GRIN3A: variants seen among roughly 807,000 people sequenced by gnomAD.
The protein encoded by GRIN3A is glutamate receptor ionotropic, NMDA 3A.
Under a neutral mutation model 92.4 loss-of-function variants are expected in GRIN3A, and 47 were observed. The observed-to-expected ratio is 0.51, with a 90% confidence interval of 0.40 to 0.65. GRIN3A has a LOEUF of 0.65. Among genes scored for constraint, GRIN3A ranks in the 30% least tolerant of loss-of-function variants. The pLI is 0.00. For synonymous variants in GRIN3A, 527 were observed against 540.6 expected (o/e 0.97, Z 0.35); for missense variants, 1,324 against 1,393.1 (o/e 0.95, Z 0.79).
At chr9:101,628,210 C>T in intron 4 of GRIN3A, 46 bp downstream of exon 4, 4 of 1,602,780 alleles carry the variant, frequency 2.5e-6, no homozygotes, top group Non-Finnish European at 2.6e-6. Context: ...TAAATTACTT[C>T]TCTTCAGTGA....
At chr9:101,595,121 A>G in intron 6 of GRIN3A, 2 of 585,540 alleles carry the variant, frequency 3.4e-6, no homozygotes, top group East Asian at 3.0e-5. Context: ...GAGGGAAAGA[A>G]GGAGGGAAAA....
At chr9:101,694,221 A>C (rs1037890751) in intron 1 of GRIN3A, among the ~76,000 whole-genome samples, 7 of 152,210 alleles carry the variant, frequency 4.6e-5, no homozygotes, top group Admixed American at 3.3e-4. Flanking sequence ...GGCATGCACA[A>C]CACCACTGTC....
chr9:101,727,309 A>G (rs924556772), intron 1 of GRIN3A, among the ~76,000 whole-genome samples: 2 of 152,226 alleles, frequency 1.3e-5, no homozygotes, highest in Admixed American at 1.3e-4. Flanking sequence ...GGATGGCCCC[A>G]ATTTTATAAC....
chr9:101,597,299 T>C (rs1020521047), intron 6 of GRIN3A, among the ~76,000 whole-genome samples: 5 of 151,848 alleles, frequency 3.3e-5, no homozygotes, highest in Non-Finnish European at 7.4e-5. Flanking sequence ...TTGAACCTCA[T>C]GGATGGAGCT....
intron 7 of GRIN3A, among the ~76,000 whole-genome samples, chr9:101,578,556 G>A (rs1827854244): frequency 6.6e-6 from 1 of 152,202 alleles, no homozygotes; most frequent in Non-Finnish European, 1.5e-5. Context: ...CACTCCCTTT[G>A]TTAGAGTTCT....
chr9:101,628,788 A>C (rs1326454408), intron 3 of GRIN3A, among the ~76,000 whole-genome samples: 1 of 152,230 alleles, frequency 6.6e-6, no homozygotes, highest in Non-Finnish European at 1.5e-5. Flanking sequence ...CATAAAGGCC[A>C]AGTTAAAACC....
At chr9:101,702,330 T>C (rs1829766143) in intron 1 of GRIN3A, among the ~76,000 whole-genome samples, 2 of 152,112 alleles carry the variant, frequency 1.3e-5, no homozygotes, top group South Asian at 2.1e-4. Flanking sequence ...ATTTATTCAC[T>C]TTACATTTTC....
intron 1 of GRIN3A, among the ~76,000 whole-genome samples, chr9:101,709,776 A>G (rs1829857044): frequency 6.6e-6 from 1 of 152,230 alleles, no homozygotes; most frequent in South Asian, 2.1e-4. Flanking sequence ...TTATTACACA[A>G]GTACAAAAAT....
intron 1 of GRIN3A, among the ~76,000 whole-genome samples, chr9:101,708,723 C>T (rs188078690): frequency 4.7e-4 from 71 of 152,262 alleles, no homozygotes; most frequent in African/African-American, 1.6e-3. Context: ...TTATGCGTTT[C>T]TATGGCTAGC....
At chr9:101,688,636 G>T (rs1041894481) in intron 1 of GRIN3A, among the ~76,000 whole-genome samples, 3 of 152,022 alleles carry the variant, frequency 2.0e-5, no homozygotes, top group Admixed American at 2.0e-4. Flanking sequence ...AATTAAAAAG[G>T]ATTGGCCAGG....
chr9:101,729,511 G>A (rs183306977), intron 1 of GRIN3A, among the ~76,000 whole-genome samples: 2 of 152,054 alleles, frequency 1.3e-5, no homozygotes, highest in Middle Eastern at 3.4e-3. Context: ...TTGTCACATC[G>A]CCTTGTCCTC....
chr9:101,649,780 GC>G (rs1249415614), intron 3 of GRIN3A, among the ~76,000 whole-genome samples: 1 of 151,948 alleles, frequency 6.6e-6, no homozygotes, highest in African/African-American at 2.4e-5. Context: ...CTGCCGTTTT[GC>G]TGATGTCACT....
In GRIN3A at chr9:101,603,596, C is replaced by A. The variant is rs138519841; in HGVS notation, c.2766+9780G>T. Among the ~76,000 whole-genome samples the A allele has an allele frequency of 9.4e-3, 1,432 of 152,146 alleles. 12 individuals are homozygous for A. Among genetic ancestry groups the A allele is most frequent in the South Asian group, 0.02 (95 of 4,820 alleles). On this transcript the variant is annotated intron_variant, in intron 6 of 8. Coordinates refer to ENST00000361820, the MANE Select transcript of GRIN3A (RefSeq NM_133445.3). ...TATAAGACTAGAAAAGATGTCCCTG[C>A]CTTTGAGGAGGTGGTAGGGAAGCTA...
chr9:101,691,722 G>A (rs538088410), intron 1 of GRIN3A, among the ~76,000 whole-genome samples: 1 of 152,268 alleles, frequency 6.6e-6, no homozygotes, highest in Admixed American at 6.5e-5. Context: ...GTGTCCTTAA[G>A]TTCTAAGTTT....
chr9:101,634,099 C>T (rs1828748460), intron 3 of GRIN3A, among the ~76,000 whole-genome samples: 1 of 151,896 alleles, frequency 6.6e-6, no homozygotes, highest in African/African-American at 2.4e-5. Context: ...TTTGGGAGGC[C>T]GAGGCGGGTG....
At chr9:101,649,300 G>A (rs1247615230) in intron 3 of GRIN3A, among the ~76,000 whole-genome samples, 1 of 151,736 alleles carries the variant, frequency 6.6e-6, no homozygotes, top group Non-Finnish European at 1.5e-5. Context: ...CCTGCAGCAC[G>A]GTAGCATCAG....
At chr9:101,635,384 G>A (rs1564131802) in intron 3 of GRIN3A, among the ~76,000 whole-genome samples, 2 of 152,138 alleles carry the variant, frequency 1.3e-5, no homozygotes, top group Non-Finnish European at 2.9e-5. Flanking sequence ...AACAGTAGAG[G>A]TGAGTAAGTA....
At chr9:101,705,235 T>C (rs1829798807) in intron 1 of GRIN3A, among the ~76,000 whole-genome samples, 1 of 151,816 alleles carries the variant, frequency 6.6e-6, no homozygotes, top group Non-Finnish European at 1.5e-5. Context: ...AGCGGCTGAA[T>C]GTTGAGAAGA....
rs1829537883 is a variant in GRIN3A at position 101,686,626 on chromosome 9, G to T, written c.1274C>A (p.Thr425Lys). Residue 425 changes from threonine (T) to lysine (K), a missense_variant, in exon 2 of 9, where the codon ACA (threonine) becomes AAA (lysine). Physicochemically the swap from Thr to Lys is moderately conservative, Grantham distance 78. Coordinates refer to ENST00000361820, the MANE Select transcript of GRIN3A (RefSeq NM_133445.3). The part of the protein sequence containing the change: ...STMNCMEVET[T>K]NLTSGQYLSR... The stretch of plus-strand genomic sequence containing the variant: ...TAAATATTGTCCTGAAGTGAGATTT[G>T]TAGTTTCCACCTCCATGCAGTTCAT... 4 of 1,614,046 alleles carry T rather than the reference G, an allele frequency of 2.5e-6. No homozygotes were observed. Among genetic ancestry groups the T allele is most frequent in the East Asian group, 2.2e-5 (1 of 44,876 alleles).
Sources: gnomAD v4.1 joint callset for allele counts (sites outside exome capture counted in the v4.1 genomes callset) on GRCh38, gnomAD v4.1.1 for gene constraint, MANE v1.5 for transcripts, NCBI Gene and HGNC (gene_info 2026-07-23, HGNC 2026-07-21) for gene names.